The following CPSF4L variants were observed in gnomAD, a reference collection of about 807,000 sequenced individuals.
CPSF4L encodes the protein putative cleavage and polyadenylation specificity factor subunit 4-like protein.
In CPSF4L, 18 loss-of-function variants were observed where a neutral mutation model predicts 24.0. The observed-to-expected ratio is 0.75, with a 90% confidence interval of 0.52 to 1.11. The LOEUF is 1.11. CPSF4L is among the 50% of genes least tolerant of loss of function. The pLI, the probability that CPSF4L is intolerant of heterozygous loss-of-function variation, is 0.00. For synonymous variants in CPSF4L, 72 were observed against 77.2 expected (o/e 0.93, Z 0.35); for missense variants, 211 against 221.8 (o/e 0.95, Z 0.31).
upstream of CPSF4L, among the ~76,000 whole-genome samples, chr17:73,262,798 G>A (rs927168022): frequency 6.6e-6 from 1 of 152,246 alleles, no homozygotes; most frequent in Non-Finnish European, 1.5e-5. Flanking sequence ...GAACCCATAC[G>A]CCCTCCTTTC....
chr17:73,261,506 A>C (rs1185035748), intron 1 of CPSF4L, among the ~76,000 whole-genome samples: 2 of 152,126 alleles, frequency 1.3e-5, no homozygotes, highest in East Asian at 3.9e-4. Context: ...CTAAAAATAC[A>C]AAAAATCAGC....
At chr17:73,246,554 T>C (rs2061953265), downstream of CPSF4L, among the ~76,000 whole-genome samples, 2 of 152,064 alleles carry the variant, frequency 1.3e-5, no homozygotes, top group African/African-American at 2.4e-5. Flanking sequence ...CCAAAAAACC[T>C]ACAGGAAAGC....
At chr17:73,250,373 TAGGAG>T in intron 5 of CPSF4L, 2 of 1,534,508 alleles carry the variant, frequency 1.3e-6, no homozygotes, top group Non-Finnish European at 1.8e-6. Context: ...TAGGGAACCA[TAGGAG>T]ATGGTTAGCT....
At chr17:73,245,267 A>G, downstream of CPSF4L, 1 of 1,551,454 alleles carries the variant, frequency 6.4e-7, no homozygotes, top group Non-Finnish European at 8.7e-7. Context: ...CATACTTAAC[A>G]GTTTAAAAAT....
At chr17:73,256,000 G>T (rs2062023748) in intron 3 of CPSF4L, among the ~76,000 whole-genome samples, 1 of 152,116 alleles carries the variant, frequency 6.6e-6, no homozygotes, top group Non-Finnish European at 1.5e-5. Flanking sequence ...CAATTAGAGT[G>T]ATCATCACTT....
chr17:73,258,823 A>G (rs538329781), intron 2 of CPSF4L, among the ~76,000 whole-genome samples: 7 of 152,190 alleles, frequency 4.6e-5, no homozygotes, highest in Non-Finnish European at 7.3e-5. Flanking sequence ...CCCCTGGCAC[A>G]TAGTAAGTGC....
At chr17:73,257,413 A>C (rs1320364002) in intron 3 of CPSF4L, among the ~76,000 whole-genome samples, 1 of 151,066 alleles carries the variant, frequency 6.6e-6, no homozygotes, top group Non-Finnish European at 1.5e-5. Context: ...ATGAACCAAG[A>C]ATGGGGAGAG....
chr17:73,255,196 C>T (rs997190118), intron 3 of CPSF4L, among the ~76,000 whole-genome samples: 14 of 152,074 alleles, frequency 9.2e-5, no homozygotes, highest in Non-Finnish European at 1.5e-4. Context: ...AGCAAGGTTT[C>T]GCCTAAAGGA....
intron 5 of CPSF4L, chr17:73,250,437 C>G (rs2062000367): frequency 3.2e-6 from 4 of 1,232,874 alleles, no homozygotes; most frequent in Non-Finnish European, 4.5e-6. Context: ...AAGCTTATTT[C>G]AGGCATTCAA....
intron 5 of CPSF4L, among the ~76,000 whole-genome samples, chr17:73,249,455 A>G (rs2061993344): frequency 1.3e-5 from 2 of 152,076 alleles, no homozygotes; most frequent in Non-Finnish European, 2.9e-5. Flanking sequence ...AGCAGCCCCC[A>G]TTGGTTTGAA....
rs914624913 is a variant in CPSF4L at position 73,259,577 on chromosome 17, G to T, written c.154+1356C>A. 2.7e-5 allele frequency among the ~76,000 whole-genome samples: 4 copies of T among 150,908 alleles called. No homozygotes were observed. The East Asian group carries it at 7.8e-4, about 29-fold the overall frequency. On this transcript the variant is annotated intron_variant, in intron 2 of 5. Transcript: ENST00000344935. ...TAATAGCTTTCTTTCTTTGCAGAAG[G>T]GTGTTGCTAGGAACCACTGCTCTAG...
At chr17:73,245,742 A>G (rs929308613), downstream of CPSF4L, 2 of 984,162 alleles carry the variant, frequency 2.0e-6, no homozygotes, top group Admixed American at 1.2e-4. Context: ...CCTCCGAAAA[A>G]AAGCTTACAA....
chr17:73,242,202 G>A, the CPSF4L span: 13 of 1,378,612 alleles, frequency 9.4e-6, no homozygotes, highest in East Asian at 4.8e-5. Context: ...AAGGGGGTAC[G>A]TTTCGGTAAA....
the CPSF4L span, chr17:73,242,129 A>T: frequency 1.7e-6 from 1 of 583,456 alleles, no homozygotes; most frequent in East Asian, 3.1e-5. Context: ...TCTTTAATGC[A>T]CCTGTTTAGA....
downstream of CPSF4L, among the ~76,000 whole-genome samples, chr17:73,244,142 G>C (rs1038313670): frequency 6.6e-6 from 1 of 152,150 alleles, no homozygotes; most frequent in Non-Finnish European, 1.5e-5. Flanking sequence ...CTTAATTCAA[G>C]ATGTGTTTGT....
chr17:73,245,133 C>T (rs751250113), downstream of CPSF4L: 1 of 1,610,782 alleles, frequency 6.2e-7, no homozygotes. Context: ...GAAGTGGCCT[C>T]TCGGATCCTT....
chr17:73,249,210 T>C (rs2061991302), intron 5 of CPSF4L, among the ~76,000 whole-genome samples: 2 of 152,192 alleles, frequency 1.3e-5, no homozygotes, highest in South Asian at 4.1e-4. Context: ...TCATACTATA[T>C]ATAAATTCCA....
chr17:73,242,133 G>T, the CPSF4L span: 1,015 of 631,484 alleles, frequency 1.6e-3, 24 homozygotes, highest in South Asian at 0.023. Flanking sequence ...TAATGCACCT[G>T]TTTAGAATAT....
chr17:73,247,778 C>T (rs1412792317), downstream of CPSF4L: 2 of 161,912 alleles, frequency 1.2e-5, no homozygotes, highest in Non-Finnish European at 2.7e-5. Context: ...AAAAAGTCTC[C>T]ACTGACTTCT....
Sources: allele counts gnomAD v4.1 joint callset (sites outside exome capture counted in the v4.1 genomes callset), GRCh38; gene constraint gnomAD v4.1.1; transcripts MANE v1.5; gene names NCBI Gene and HGNC (gene_info 2026-07-23, HGNC 2026-07-21).